The following WWOX variants were observed in gnomAD, a reference collection of about 807,000 sequenced individuals.
WWOX encodes WW domain containing oxidoreductase.
WWOX carries 69 observed loss-of-function variants against 46.2 expected under a neutral mutation model. The ratio of observed to expected loss-of-function variants is 1.49; its 90% CI spans 1.23 to 1.82. The LOEUF is 1.82. Among genes scored for constraint, WWOX ranks in the 40% most tolerant of loss-of-function variants. WWOX has a pLI of 0.00. For missense variants in WWOX, 919 were observed against 542.6 expected (o/e 1.69, Z -6.89); for synonymous variants, 359 against 202.6 (o/e 1.77, Z -6.56).
At chr16:78,326,926 C>T (rs2080636298) in intron 5 of WWOX, among the ~76,000 whole-genome samples, 1 of 152,138 alleles carries the variant, frequency 6.6e-6, no homozygotes, top group South Asian at 2.1e-4. Context: ...ATGACAAACA[C>T]ATAAAATGTT....
chr16:78,373,142 G>C (rs1195847711), intron 5 of WWOX, among the ~76,000 whole-genome samples: 1 of 152,090 alleles, frequency 6.6e-6, no homozygotes, highest in Non-Finnish European at 1.5e-5. Context: ...TGTAAAAGCA[G>C]CGTGGAGCAG....
chr16:78,998,169 G>T (rs1437662578), intron 8 of WWOX, among the ~76,000 whole-genome samples: 1 of 152,050 alleles, frequency 6.6e-6, no homozygotes, highest in African/African-American at 2.4e-5. Context: ...GAGCCATCGC[G>T]CCCGGCCTAG....
At chr16:78,728,977 T>C (rs757463457) in intron 8 of WWOX, among the ~76,000 whole-genome samples, 2 of 152,104 alleles carry the variant, frequency 1.3e-5, no homozygotes, top group South Asian at 2.1e-4. Flanking sequence ...GTGAGAAACG[T>C]TGGCTTTAGT....
At chr16:78,648,997 G>A (rs1280361654) in intron 8 of WWOX, among the ~76,000 whole-genome samples, 1 of 151,576 alleles carries the variant, frequency 6.6e-6, no homozygotes, top group African/African-American at 2.4e-5. Context: ...TTTTTGAGAG[G>A]GAGTCTCGCT....
intron 8 of WWOX, among the ~76,000 whole-genome samples, chr16:78,763,204 C>T (rs2049837382): frequency 1.3e-5 from 2 of 152,222 alleles, no homozygotes; most frequent in South Asian, 2.1e-4. Flanking sequence ...ATGGCTTGAT[C>T]TGTGTTTATT....
intron 8 of WWOX, among the ~76,000 whole-genome samples, chr16:79,156,632 G>A (rs2050387312): frequency 6.6e-6 from 1 of 152,058 alleles, no homozygotes; most frequent in African/African-American, 2.4e-5. Context: ...AGCACACACA[G>A]CTGTTATCTT....
chr16:78,983,017 C>G (rs2046713070), intron 8 of WWOX, among the ~76,000 whole-genome samples: 2 of 152,140 alleles, frequency 1.3e-5, no homozygotes, highest in South Asian at 4.1e-4. Context: ...TAATATATTC[C>G]TTTGTTTCTT....
intron 8 of WWOX, among the ~76,000 whole-genome samples, chr16:78,490,921 C>G (rs1024195792): frequency 6.6e-6 from 1 of 152,114 alleles, no homozygotes; most frequent in East Asian, 1.9e-4. Flanking sequence ...TGGCAGTGAG[C>G]TCATATGGAA....
At chr16:79,021,874 C>T (rs1029236503) in intron 8 of WWOX, among the ~76,000 whole-genome samples, 2 of 152,200 alleles carry the variant, frequency 1.3e-5, no homozygotes, top group Non-Finnish European at 2.9e-5. Flanking sequence ...TATAAAGGAG[C>T]AGGAGGTTTT....
At chr16:78,415,164 C>T (rs111303565) in intron 6 of WWOX, among the ~76,000 whole-genome samples, 7 of 150,874 alleles carry the variant, frequency 4.6e-5, no homozygotes, top group East Asian at 1.9e-4. Context: ...TGAGTTTTCA[C>T]GGAAAGGGGT....
At chr16:78,652,398 G>C (rs1430742695) in intron 8 of WWOX, among the ~76,000 whole-genome samples, 4 of 126,136 alleles carry the variant, frequency 3.2e-5, no homozygotes, top group Middle Eastern at 0.011. Flanking sequence ...GACAGAGCGA[G>C]ACTCCGTCTC....
At chr16:78,702,376 A>G (rs1234645890) in intron 8 of WWOX, among the ~76,000 whole-genome samples, 2 of 151,932 alleles carry the variant, frequency 1.3e-5, no homozygotes, top group East Asian at 1.9e-4. Context: ...CAGGCTGGGC[A>G]TGGTAGCTCA....
At chr16:78,874,339 A>G (rs1326341132) in intron 8 of WWOX, among the ~76,000 whole-genome samples, 2 of 151,942 alleles carry the variant, frequency 1.3e-5, no homozygotes, top group African/African-American at 2.4e-5. Flanking sequence ...TGCATCCTGA[A>G]CAGACATGAT....
intron 8 of WWOX, among the ~76,000 whole-genome samples, chr16:79,124,041 A>G (rs1456194436): frequency 1.3e-5 from 2 of 152,106 alleles, no homozygotes; most frequent in African/African-American, 2.4e-5. Flanking sequence ...CTTATTAAAT[A>G]ATTTCTTTGC....
chr16:78,627,722 C>A (rs372655670), intron 8 of WWOX, among the ~76,000 whole-genome samples: 1 of 152,178 alleles, frequency 6.6e-6, no homozygotes, highest in Admixed American at 6.5e-5. Flanking sequence ...TCTGGAACAA[C>A]ATGGAGGCAC....
chr16:78,169,850 A>C (rs1475909709), intron 5 of WWOX, among the ~76,000 whole-genome samples: 1 of 152,114 alleles, frequency 6.6e-6, no homozygotes, highest in Non-Finnish European at 1.5e-5. Context: ...AATGTTCCTC[A>C]TGCCTGCCAG....
At chr16:78,474,658 G>C (rs750948859) in intron 8 of WWOX, among the ~76,000 whole-genome samples, 6 of 152,148 alleles carry the variant, frequency 3.9e-5, no homozygotes, top group South Asian at 4.1e-4. Context: ...ATTCAGAGTT[G>C]TGCAACCATT....
chr16:78,825,012 T>C (rs1204728816), intron 8 of WWOX, among the ~76,000 whole-genome samples: 2 of 152,194 alleles, frequency 1.3e-5, no homozygotes, highest in East Asian at 3.9e-4. Context: ...CAAAGTGCTC[T>C]GTGGTTTCTC....
chr16:78,445,106 A>C (rs530992350), intron 8 of WWOX, among the ~76,000 whole-genome samples: 1 of 152,290 alleles, frequency 6.6e-6, no homozygotes, highest in East Asian at 1.9e-4. Context: ...TTCTGGACGT[A>C]CCACCTCGTG....
Sources: allele counts gnomAD v4.1 joint callset (sites outside exome capture counted in the v4.1 genomes callset), GRCh38; gene constraint gnomAD v4.1.1; transcripts MANE v1.5; gene names NCBI Gene and HGNC (gene_info 2026-07-23, HGNC 2026-07-21).